The following RUNX1 variants were observed in gnomAD, a reference collection of about 807,000 sequenced individuals.
The protein encoded by RUNX1 is RUNX family transcription factor 1.
A neutral mutation model predicts 42.8 loss-of-function variants in RUNX1; 19 were observed. The observed-to-expected ratio is 0.44, with a 90% CI of 0.31 to 0.65. RUNX1 has a LOEUF of 0.65. Among genes scored for constraint, RUNX1 ranks in the 30% least tolerant of loss-of-function variants. The pLI is 0.07. For missense variants in RUNX1, 528 were observed against 672.0 expected (o/e 0.79, Z 2.37); for synonymous variants, 271 against 289.4 (o/e 0.94, Z 0.64).
chr21:34,930,305 A>T (rs911104786), intron 2 of RUNX1, among the ~76,000 whole-genome samples: 1 of 136,584 alleles, frequency 7.3e-6, no homozygotes, highest in African/African-American at 3.1e-5. Flanking sequence ...TAAATAAATA[A>T]AATTTTACAA....
intron 3 of RUNX1, chr21:34,889,631 T>C: frequency 9.2e-7 from 1 of 1,086,264 alleles, no homozygotes; most frequent in Non-Finnish European, 1.1e-6. Context: ...CCCCCGCTCC[T>C]CTCCCCGCCC....
At chr21:34,925,285 A>G (rs1250857235) in intron 2 of RUNX1, among the ~76,000 whole-genome samples, 2 of 152,178 alleles carry the variant, frequency 1.3e-5, no homozygotes, top group Non-Finnish European at 2.9e-5. Flanking sequence ...CCTCAATGTT[A>G]TGGGTTGAAT....
At chr21:35,009,713 C>A (rs1287627595) in intron 2 of RUNX1, among the ~76,000 whole-genome samples, 1 of 152,006 alleles carries the variant, frequency 6.6e-6, no homozygotes, top group East Asian at 1.9e-4. Flanking sequence ...CCTTAAGGGA[C>A]AACAGGGACA....
chr21:34,905,836 T>G (rs768461701), intron 2 of RUNX1, among the ~76,000 whole-genome samples: 1 of 152,198 alleles, frequency 6.6e-6, no homozygotes, highest in Non-Finnish European at 1.5e-5. Flanking sequence ...ATCTGAAACT[T>G]ATCACGTAGC....
chr21:34,906,659 A>T (rs1195309394), intron 2 of RUNX1, among the ~76,000 whole-genome samples: 1 of 152,174 alleles, frequency 6.6e-6, no homozygotes, highest in Non-Finnish European at 1.5e-5. Context: ...GCATTTAAAT[A>T]AAAAAAGGCT....
chr21:35,013,514 C>A (rs546404384), intron 2 of RUNX1, among the ~76,000 whole-genome samples: 2 of 152,090 alleles, frequency 1.3e-5, no homozygotes, highest in Admixed American at 6.5e-5. Flanking sequence ...TTATTAAAGA[C>A]CCTCATCCCC....
At chr21:34,833,479 C>T (rs1474580603) in intron 7 of RUNX1, 2 of 152,460 alleles carry the variant, frequency 1.3e-5, no homozygotes, top group Admixed American at 1.3e-4. Context: ...ATTTGTACAT[C>T]CCACAATACA....
At chr21:34,950,251 A>G (rs2058596722) in intron 2 of RUNX1, among the ~76,000 whole-genome samples, 2 of 152,316 alleles carry the variant, frequency 1.3e-5, no homozygotes, top group South Asian at 4.1e-4. Context: ...CCCGCATCTT[A>G]TTTTGTTGTT....
At chr21:34,886,770 C>G in intron 4 of RUNX1, 73 bp downstream of exon 4, 1 of 1,606,522 alleles carries the variant, frequency 6.2e-7, no homozygotes, top group Non-Finnish European at 8.5e-7. Flanking sequence ...CCCGCCTGGC[C>G]GCTGCCCTCG....
At chr21:34,957,759 T>G (rs1247689123) in intron 2 of RUNX1, among the ~76,000 whole-genome samples, 1 of 152,228 alleles carries the variant, frequency 6.6e-6, no homozygotes, top group African/African-American at 2.4e-5. Flanking sequence ...ATTGTGTTTA[T>G]AAACTGAAGT....
intron 2 of RUNX1, among the ~76,000 whole-genome samples, chr21:35,044,241 C>T (rs2059380996): frequency 6.6e-6 from 1 of 152,180 alleles, no homozygotes; most frequent in African/African-American, 2.4e-5. Flanking sequence ...CTAGACCACT[C>T]TTCCTTCTTT....
chr21:35,005,707 A>T (rs2059079210), intron 2 of RUNX1, among the ~76,000 whole-genome samples: 1 of 152,110 alleles, frequency 6.6e-6, no homozygotes, highest in South Asian at 2.1e-4. Context: ...GCCTTCCCTC[A>T]TGCTATAAAT....
intron 2 of RUNX1, among the ~76,000 whole-genome samples, chr21:35,043,019 T>C (rs1461828813): frequency 6.6e-6 from 1 of 152,182 alleles, no homozygotes; most frequent in Admixed American, 6.5e-5. Context: ...GTATAACACG[T>C]GTCTCCCCAA....
intron 5 of RUNX1, among the ~76,000 whole-genome samples, chr21:34,869,920 GA>G (rs2057714232): frequency 6.6e-6 from 1 of 152,208 alleles, no homozygotes; most frequent in Non-Finnish European, 1.5e-5. Context: ...GGGCACATAT[GA>G]ATCATAAATA....
At chr21:34,841,508 G>T (rs2057234724) in intron 6 of RUNX1, among the ~76,000 whole-genome samples, 2 of 152,224 alleles carry the variant, frequency 1.3e-5, no homozygotes, top group South Asian at 4.2e-4. Context: ...CAGGTGACAT[G>T]AAGTACAGGT....
At chr21:35,017,309 A>G (rs2059166504) in intron 2 of RUNX1, among the ~76,000 whole-genome samples, 1 of 152,184 alleles carries the variant, frequency 6.6e-6, no homozygotes, top group Non-Finnish European at 1.5e-5. Flanking sequence ...CTCACAACCT[A>G]TGTGGCTTGT....
intron 2 of RUNX1, among the ~76,000 whole-genome samples, chr21:34,953,169 G>A (rs893491979): frequency 4.0e-5 from 6 of 151,344 alleles, no homozygotes; most frequent in South Asian, 2.1e-4. Flanking sequence ...ATTATTATGC[G>A]TCTACGTGAA....
chr21:35,009,127 C>T (rs1012042255), intron 2 of RUNX1, among the ~76,000 whole-genome samples: 1 of 152,148 alleles, frequency 6.6e-6, no homozygotes, highest in African/African-American at 2.4e-5. Flanking sequence ...CATCTTTTAA[C>T]CCTGTGCCAA....
intron 4 of RUNX1, 119 bp from the exon 5 acceptor site, chr21:34,880,832 G>T: frequency 9.6e-7 from 1 of 1,038,414 alleles, no homozygotes; most frequent in Non-Finnish European, 1.4e-6. Context: ...TTTTTAGGTT[G>T]CAGAGGAATA....
Sources: allele counts gnomAD v4.1 joint callset (sites outside exome capture counted in the v4.1 genomes callset), GRCh38; gene constraint gnomAD v4.1.1; transcripts MANE v1.5; gene names NCBI Gene and HGNC (gene_info 2026-07-23, HGNC 2026-07-21).